The following PKD2L1 variants were observed in gnomAD, a reference collection of about 807,000 sequenced individuals.
PKD2L1 encodes the protein polycystin-2-like protein 1.
A neutral mutation model predicts 93.0 loss-of-function variants in PKD2L1; 77 were observed. That is an observed-to-expected ratio of 0.83 (90% confidence interval 0.69 to 1.00). The LOEUF (loss-of-function observed/expected upper bound fraction) is 1.00. PKD2L1 is among the 50% of genes least tolerant of loss of function. The pLI is 0.00. For synonymous variants in PKD2L1, 390 were observed against 388.0 expected, an observed-to-expected ratio of 1.01 and a Z score of -0.06; for missense variants, 977 against 990.9, an observed-to-expected ratio of 0.99 and a Z score of 0.19.
chr10:100,328,422 C>T (rs1849425316), intron 2 of PKD2L1, among the ~76,000 whole-genome samples: 1 of 152,152 alleles, frequency 6.6e-6, no homozygotes, highest in Non-Finnish European at 1.5e-5. Context: ...TGTTTCCCTC[C>T]CTCTCTTAAC....
chr10:100,294,740 C>T lies in PKD2L1; in HGVS notation c.1539-85G>A, dbSNP rs1848485606. 1.6e-5 allele frequency: 25 copies of T among 1,561,504 alleles called. No individual in the cohort carries two copies. In the South Asian group the frequency reaches 2.7e-4, roughly 17 times the overall value. ...CTAATCACAGAGAGACCCCTCACCACACGTTCACCCCAATCTGATAGACAC... is the reference window on the plus strand; with the variant it reads ...CTAATCACAGAGAGACCCCTCACCATACGTTCACCCCAATCTGATAGACAC... On this transcript the variant is annotated intron_variant, in intron 8 of 15. Transcript: ENST00000318222.
In PKD2L1 at chr10:100,324,432, T is replaced by C. The variant is rs556070996; in HGVS notation, c.349+4779A>G. Among the ~76,000 whole-genome samples, 3 of 152,350 alleles carry C rather than the reference T, an allele frequency of 2.0e-5. No homozygotes were observed. The South Asian group carries it at 6.2e-4, about 32-fold the overall frequency. On this transcript the variant is annotated intron_variant, in intron 2 of 15. Coordinates refer to ENST00000318222, the MANE Select transcript of PKD2L1 (RefSeq NM_016112.3). ...AAATCCTCTGTGCTTTACCTATTCG[T>C]CCTTCTCTTTCCCCAACCCCTGGAA...
chr10:100,294,618 A>G lies in PKD2L1; in HGVS notation c.1576T>C (p.Tyr526His), dbSNP rs570700797. 6.2e-7 allele frequency: 1 copy of G among 1,614,064 alleles called. No homozygotes were observed. Among genetic ancestry groups the G allele is most frequent in the South Asian group, 1.1e-5 (1 of 91,076 alleles). ...CGGTTGGCATTGTCGATAGCATTGT[A>G]GTCAAAGTCCCCGAGGATTATCCGG... ...QFRIILGDFDYNAIDNANRIL... is the reference protein window; with the variant it reads ...QFRIILGDFDHNAIDNANRIL... Residue 526 changes from tyrosine (Y) to histidine (H), a missense_variant, in exon 9 of 16, where the codon TAC becomes CAC. By Grantham distance (83) the Tyr-to-His change is moderately conservative. Coordinates refer to ENST00000318222, the MANE Select transcript of PKD2L1 (RefSeq NM_016112.3).
intron 2 of PKD2L1, among the ~76,000 whole-genome samples, chr10:100,309,500 C>T (rs1261185857): frequency 1.3e-5 from 2 of 152,108 alleles, no homozygotes; most frequent in African/African-American, 4.8e-5. Context: ...AAGATCTGTT[C>T]CCTCCTCTCT....
chr10:100,328,886 GC>G (rs1849438254), intron 2 of PKD2L1, among the ~76,000 whole-genome samples: 1 of 152,194 alleles, frequency 6.6e-6, no homozygotes, highest in Non-Finnish European at 1.5e-5. Context: ...CACCGTGCCA[GC>G]CCACTCTCTA....
At position 100,298,763 on chromosome 10, in the gene PKD2L1, T is replaced by C; in HGVS notation, c.530A>G (p.Asn177Ser). The C allele has an allele frequency of 6.2e-7, 1 of 1,613,752 alleles. No individual in the cohort carries two copies. Among genetic ancestry groups the C allele is most frequent in the Non-Finnish European group, 8.5e-7 (1 of 1,179,966 alleles). The change falls in exon 4 of 16, where the codon AAC becomes AGC. Residue 177 changes from asparagine to serine, a missense_variant. By Grantham distance (46) the Asn-to-Ser change is conservative (BLOSUM62 1). Transcript: ENST00000318222. ...DSLYWTKWYN[N>S]QSLGHGSHSF... ...GTGGGAGCCATGGCCCAGGCTCTGG[T>C]TGTTGTACCATTTGGTCCAATACAA...
At chr10:100,310,646 G>A (rs922256469) in intron 2 of PKD2L1, among the ~76,000 whole-genome samples, 4 of 152,082 alleles carry the variant, frequency 2.6e-5, no homozygotes, top group African/African-American at 9.7e-5. Flanking sequence ...TATAAAATGA[G>A]TATTTAATAT....
intron 11 of PKD2L1, 82 bp from the exon 12 acceptor site, chr10:100,291,509 A>G: frequency 3.4e-5 from 49 of 1,459,214 alleles, no homozygotes; most frequent in Non-Finnish European, 4.5e-5. Flanking sequence ...CTTTTGCTTG[A>G]CTCTGGCAAA....
rs1564894482 is a variant in PKD2L1 at position 100,321,743 on chromosome 10, GAAA to G, written c.349+7465_349+7467del. On this transcript the variant is annotated intron_variant, in intron 2 of 15. Coordinates refer to ENST00000318222, the MANE Select transcript of PKD2L1 (RefSeq NM_016112.3). ...AGAAAGAAAGAAAGAAAGAAAGAAA[GAAA>G]GAAAGAAAGAAGGGAGGGAGGGAGG... Among the ~76,000 whole-genome samples, 27 of 9,352 alleles carry G rather than the reference GAAA, an allele frequency of 2.9e-3. 2 individuals carry two copies. The highest frequency in any genetic ancestry group is 4.6e-3 in the Non-Finnish European group (19 of 4,166). The allele number at this position is 9,352 out of a possible 152,430, so 6.1% of individuals were successfully genotyped here. A position where few individuals can be genotyped will look rare whatever the true frequency, so the allele number is the denominator to read the frequency against.
chr10:100,311,891 GTTCC>G (rs1448534516), intron 2 of PKD2L1, among the ~76,000 whole-genome samples: 2 of 152,166 alleles, frequency 1.3e-5, no homozygotes, highest in Non-Finnish European at 2.9e-5. Context: ...AAAGTCAACT[GTTCC>G]TTCCTAACCT....
chr10:100,323,242 C>T (rs1415958161), intron 2 of PKD2L1, among the ~76,000 whole-genome samples: 1 of 152,158 alleles, frequency 6.6e-6, no homozygotes, highest in East Asian at 1.9e-4. Flanking sequence ...TATTGATTTA[C>T]TTTTAATTGA....
In PKD2L1 at chr10:100,288,200, T is replaced by C. The variant is rs562469074; in HGVS notation, c.*196A>G. On this transcript the variant is annotated 3_prime_UTR_variant, in exon 16 of 16. Coordinates refer to ENST00000318222, the MANE Select transcript of PKD2L1 (RefSeq NM_016112.3). ...CACCATGGAAACCCACATGGTCTTA[T>C]GGAAGAATAATGTCAGAACCCACCA... 1.9e-5 allele frequency: 10 copies of C among 523,806 alleles called. No homozygotes were observed. Among genetic ancestry groups the C allele is most frequent in the Admixed American group, 1.3e-4 (4 of 31,860 alleles). 32.4% of individuals were successfully genotyped at this position (523,806 alleles called of 1,614,324 possible).
chr10:100,304,348 G>T (rs1274515542), intron 2 of PKD2L1, among the ~76,000 whole-genome samples: 1 of 152,066 alleles, frequency 6.6e-6, no homozygotes, highest in Non-Finnish European at 1.5e-5. Context: ...TAATACCTCC[G>T]ATGTTCATAG....
At position 100,294,575 on chromosome 10, in the gene PKD2L1, T is replaced by G. The variant is rs201190076; in HGVS notation, c.1619A>C (p.Tyr540Ser). Residue 540 changes from tyrosine to serine, a missense_variant, in exon 9 of 16, where the codon TAC becomes TCC. Transcript: ENST00000318222. ...GACGAAGAAGACATAGGTGACAAAGTAGGCAGGGCCCAGGATGCGGTTGGC... is the reference window on the plus strand; with the variant it reads ...GACGAAGAAGACATAGGTGACAAAGGAGGCAGGGCCCAGGATGCGGTTGGC... ...DNANRILGPA[Y>S]FVTYVFFVFF... is the part of the protein sequence containing the mutation. 4.3e-5 allele frequency: 70 copies of G among 1,613,752 alleles called. No homozygotes were observed. The highest frequency in any genetic ancestry group is 5.8e-5 in the Non-Finnish European group (68 of 1,179,958).
At chr10:100,327,811 A>G (rs1849411142) in intron 2 of PKD2L1, among the ~76,000 whole-genome samples, 1 of 152,198 alleles carries the variant, frequency 6.6e-6, no homozygotes, top group African/African-American at 2.4e-5. Context: ...CTCCCTGCAG[A>G]GTGGCCAGTG....
At chr10:100,329,108 A>T in intron 2 of PKD2L1, 103 bp downstream of exon 2, 1 of 1,067,086 alleles carries the variant, frequency 9.4e-7, no homozygotes, top group Non-Finnish European at 1.4e-6. Flanking sequence ...TTACACAGAT[A>T]GATGCTCGCT....
At chr10:100,317,646 T>A (rs1392305975) in intron 2 of PKD2L1, among the ~76,000 whole-genome samples, 2 of 152,242 alleles carry the variant, frequency 1.3e-5, no homozygotes, top group Non-Finnish European at 2.9e-5. Flanking sequence ...TGCTTCTGCA[T>A]AATCTGTTGC....
chr10:100,293,000 G>A lies in PKD2L1; in HGVS notation c.1828C>T (p.Gln610Ter), dbSNP rs958185902. 3 of 1,614,136 alleles carry A rather than the reference G, an allele frequency of 1.9e-6. No individual in the cohort carries two copies. The highest frequency in any genetic ancestry group is 2.7e-5 in the African/African-American group (2 of 75,038). The change falls in exon 11 of 16, where the codon CAG (glutamine) becomes TAG (stop). Residue 610 changes from glutamine to a stop codon, truncating the protein, a stop_gained. Coordinates refer to ENST00000318222, the MANE Select transcript of PKD2L1 (RefSeq NM_016112.3). LOFTEE classifies it high-confidence loss of function. ...AACTGGATCTCCTGCTCCCCACCCTGCAGGACCTTCTGCACATCCGAAACC... is the reference window on the plus strand; with the variant it reads ...AACTGGATCTCCTGCTCCCCACCCTACAGGACCTTCTGCACATCCGAAACC... ...ERVSDVQKVLQGGEQEIQFED... is the reference protein window; with the variant it reads ...ERVSDVQKVL
At chr10:100,322,778 T>C (rs1849291136) in intron 2 of PKD2L1, among the ~76,000 whole-genome samples, 1 of 152,228 alleles carries the variant, frequency 6.6e-6, no homozygotes, top group East Asian at 1.9e-4. Flanking sequence ...TTAGTAAATT[T>C]ATGAGCAATA....
Sources: allele counts gnomAD v4.1 joint callset (sites outside exome capture counted in the v4.1 genomes callset), GRCh38; gene constraint gnomAD v4.1.1; transcripts MANE v1.5; gene names NCBI Gene and HGNC (gene_info 2026-07-23, HGNC 2026-07-21).